ADGRV1: variants seen among roughly 807,000 people sequenced by gnomAD.
ADGRV1 encodes adhesion G protein-coupled receptor V1, also known as G-protein coupled receptor 98.
A neutral mutation model predicts 596.2 loss-of-function variants in ADGRV1; 359 were observed. The observed-to-expected ratio is 0.60, with a 90% CI of 0.55 to 0.66. The LOEUF (loss-of-function observed/expected upper bound fraction) is 0.66. Among genes scored for constraint, ADGRV1 ranks in the 30% least tolerant of loss-of-function variants. The pLI is 0.00. For synonymous variants in ADGRV1, 2,681 were observed against 2,679.2 expected (o/e 1.00, Z -0.02); for missense variants, 7,274 against 7,575.6 (o/e 0.96, Z 1.48).
rs765630970 is a variant in ADGRV1, at chr5:90,811,097, C to A, written c.15837C>A (p.Ile5279=). The part of the protein sequence containing the change: ...MEPNALPFRG[I]YGISNLTWAV... Reference sequence around the variant, plus strand: ...CAAATGCATTGCCCTTTCGTGGTATCTATGGGATTTCCAACCTAACATGGG... The same window carrying A: ...CAAATGCATTGCCCTTTCGTGGTATATATGGGATTTCCAACCTAACATGGG... Residue 5279 remains isoleucine, a synonymous_variant, in exon 74 of 90, where the codon ATC becomes ATA. Transcript: ENST00000405460. The A allele has an allele frequency of 1.2e-6, 2 of 1,613,844 alleles. No individual in the cohort carries two copies. Among genetic ancestry groups the A allele is most frequent in the Admixed American group, 1.7e-5 (1 of 60,024 alleles).
intron 85 of ADGRV1, among the ~76,000 whole-genome samples, chr5:91,058,756 G>C (rs1258640423): frequency 6.6e-6 from 1 of 152,132 alleles, no homozygotes; most frequent in African/African-American, 2.4e-5. Flanking sequence ...CATGAGTCAT[G>C]AGGAAAAGTA....
intron 85 of ADGRV1, among the ~76,000 whole-genome samples, chr5:91,036,102 A>G (rs1026837567): frequency 4.7e-5 from 6 of 127,446 alleles, no homozygotes; most frequent in Non-Finnish European, 1.0e-4. Flanking sequence ...TGAATTCACA[A>G]TATACTTCAC....
intron 9 of ADGRV1, among the ~76,000 whole-genome samples, chr5:90,632,266 T>G (rs1336821969): frequency 6.6e-6 from 1 of 152,186 alleles, no homozygotes; most frequent in Non-Finnish European, 1.5e-5. Flanking sequence ...ACACAGTTGC[T>G]TTTGCTTTCA....
intron 70 of ADGRV1, 58 bp downstream of exon 70, chr5:90,791,404 C>T (rs189909283): frequency 3.3e-6 from 4 of 1,219,654 alleles, no homozygotes; most frequent in Non-Finnish European, 4.5e-6. Context: ...CAGGAGTGCC[C>T]ATGCTTACCT....
At chr5:91,072,059 G>A (rs1376837168) in intron 85 of ADGRV1, among the ~76,000 whole-genome samples, 1 of 152,084 alleles carries the variant, frequency 6.6e-6, no homozygotes, top group African/African-American at 2.4e-5. Flanking sequence ...TTAAGATGTG[G>A]TGCTGGATTT....
rs190152499 is a variant in ADGRV1, at chr5:90,953,889, T to C, written c.17857-11526T>C. ...ATTTTTCATTCCTTAAAAATCTAGA[T>C]AAAAGATAGGAACTGTTTTCTTTAA... is the stretch of plus-strand genomic sequence containing the variant. On this transcript the variant is annotated intron_variant, in intron 83 of 89. Transcript: ENST00000405460. 3.1e-3 allele frequency among the ~76,000 whole-genome samples: 474 copies of C among 152,198 alleles called. 3 individuals are homozygous for C. The highest frequency in any genetic ancestry group is 5.2e-3 in the Admixed American group (80 of 15,278).
At chr5:90,916,547 A>G (rs1773371993) in intron 83 of ADGRV1, among the ~76,000 whole-genome samples, 2 of 152,050 alleles carry the variant, frequency 1.3e-5, no homozygotes, top group African/African-American at 4.8e-5. Context: ...TCCACAGTGT[A>G]CATATTATTC....
chr5:90,581,356 A>G (rs1249892643), intron 1 of ADGRV1, among the ~76,000 whole-genome samples: 2 of 152,154 alleles, frequency 1.3e-5, no homozygotes, highest in African/African-American at 4.8e-5. Context: ...TAGAATTTTC[A>G]GCTTTTCTGC....
chr5:90,745,134 T>C lies in ADGRV1; in HGVS notation c.10638T>C (p.Pro3546=). The C allele has an allele frequency of 1.2e-6, 2 of 1,613,688 alleles. No homozygotes were observed. Among genetic ancestry groups the C allele is most frequent in the South Asian group, 2.2e-5 (2 of 91,068 alleles). The change falls in exon 51 of 90, where the codon CCT becomes CCC. Residue 3546 remains proline, a synonymous_variant. Coordinates refer to ENST00000405460, the MANE Select transcript of ADGRV1 (RefSeq NM_032119.4). ...RNQFSFVLEV[P]SAYDVASVTV... ...AATTCTCTTTTGTTCTGGAAGTACC[T>C]TCTGCTTATGATGTGGCTTCTGTTA...
intron 85 of ADGRV1, among the ~76,000 whole-genome samples, chr5:91,069,882 A>G (rs1204090830): frequency 6.6e-6 from 1 of 151,832 alleles, no homozygotes; most frequent in Non-Finnish European, 1.5e-5. Flanking sequence ...GCTGGGTTGG[A>G]TAGAGAAAAT....
At chr5:90,978,938 G>A (rs191332460) in intron 84 of ADGRV1, among the ~76,000 whole-genome samples, 6 of 152,072 alleles carry the variant, frequency 3.9e-5, no homozygotes, top group Admixed American at 3.9e-4. Context: ...GTACTACAAG[G>A]TAAAGAAAAA....
intron 87 of ADGRV1, among the ~76,000 whole-genome samples, chr5:91,102,935 C>T (rs536859228): frequency 1.3e-5 from 2 of 152,010 alleles, no homozygotes; most frequent in African/African-American, 4.8e-5. Flanking sequence ...AATGTTGCAC[C>T]CTGATATTAA....
intron 87 of ADGRV1, among the ~76,000 whole-genome samples, chr5:91,119,587 T>A (rs952522151): frequency 3.9e-5 from 6 of 152,230 alleles, no homozygotes; most frequent in Non-Finnish European, 8.8e-5. Context: ...GAAATCTAAA[T>A]GTAATCTCCA....
In ADGRV1 at chr5:91,094,959, A is replaced by G. The variant is rs75624762; in HGVS notation, c.18311-7260A>G. 5.3e-3 allele frequency among the ~76,000 whole-genome samples: 800 copies of G among 152,316 alleles called. 6 individuals carry two copies. The highest frequency in any genetic ancestry group is 0.018 in the African/African-American group (762 of 41,562). On this transcript the variant is annotated intron_variant, in intron 86 of 89. Transcript: ENST00000405460. ...AACCTGGCACATAATAAGTGTTGAT[A>G]GAGTCTAGCCTGCTGCAACAAATAT...
chr5:90,792,033 A>G (rs916749680), intron 70 of ADGRV1: 2 of 152,120 alleles, frequency 1.3e-5, no homozygotes, highest in Admixed American at 1.3e-4. Context: ...GCATTATGGC[A>G]TTCATTGCCA....
intron 83 of ADGRV1, among the ~76,000 whole-genome samples, chr5:90,884,739 G>A (rs993201591): frequency 6.6e-6 from 1 of 152,032 alleles, no homozygotes; most frequent in African/African-American, 2.4e-5. Flanking sequence ...CCAGCCCAAA[G>A]CATAGCACAA....
At chr5:90,938,390 T>G (rs1775891794) in intron 83 of ADGRV1, among the ~76,000 whole-genome samples, 2 of 152,198 alleles carry the variant, frequency 1.3e-5, no homozygotes, top group African/African-American at 4.8e-5. Context: ...TACTTATAAT[T>G]TACTTCCTAA....
chr5:90,811,455 A>G, intron 74 of ADGRV1, 117 bp downstream of exon 74: 2 of 985,322 alleles, frequency 2.0e-6, no homozygotes, highest in South Asian at 3.7e-5. Flanking sequence ...ATTCATAGGA[A>G]TGCATTAAAG....
chr5:91,127,301 A>G (rs1379532048), intron 87 of ADGRV1, among the ~76,000 whole-genome samples: 1 of 152,164 alleles, frequency 6.6e-6, no homozygotes, highest in African/African-American at 2.4e-5. Context: ...ACCCTTTGGG[A>G]GGCTGATGTG....
Sources: gnomAD v4.1 joint callset for allele counts (sites outside exome capture counted in the v4.1 genomes callset) on GRCh38, gnomAD v4.1.1 for gene constraint, MANE v1.5 for transcripts, NCBI Gene and HGNC (gene_info 2026-07-23, HGNC 2026-07-21) for gene names.